GSTA3: variants seen among roughly 807,000 people sequenced by gnomAD.
The protein encoded by GSTA3 is glutathione S-transferase A3.
A neutral mutation model predicts 23.1 loss-of-function variants in GSTA3; 16 were observed. The ratio of observed to expected loss-of-function variants is 0.69; its 90% CI spans 0.47 to 1.05. The LOEUF is 1.05. Ranked by LOEUF, GSTA3 falls within the 50% of genes least tolerant of loss-of-function variation. The pLI, the probability that GSTA3 is intolerant of heterozygous loss-of-function variation, is 0.00. For synonymous variants in GSTA3, 122 were observed against 91.0 expected, an observed-to-expected ratio of 1.34 and a Z score of -1.94; for missense variants, 319 against 263.6, an observed-to-expected ratio of 1.21 and a Z score of -1.46.
Position 52,902,282 on chromosome 6 carries a change from C to T in GSTA3, c.272+64G>A, listed in dbSNP as rs545328003. 106 of 1,601,514 alleles carry T rather than the reference C, an allele frequency of 6.6e-5. No homozygotes were observed. The African/African-American group carries it at 1.4e-3, about 20-fold the overall frequency. On this transcript the variant is annotated intron_variant, in intron 4 of 6. Coordinates refer to ENST00000211122, the MANE Select transcript of GSTA3 (RefSeq NM_000847.5). ...TGATGCCCTGTCATGGTCTCACCCA[C>T]TCAAGGAAGGACCTAAATCACTCTG...
Position 52,903,728 on chromosome 6 carries a change from C to G in GSTA3, c.88-1G>C, listed in dbSNP as rs1319457957. The G allele has an allele frequency of 1.3e-6, 2 of 1,581,588 alleles. No individual in the cohort carries two copies. Among genetic ancestry groups the G allele is most frequent in the Non-Finnish European group, 8.7e-7 (1 of 1,151,366 alleles). ...CAGATCCTATAAATTTCTCTTCAAA[C>G]TGGAAGCAGAAACAGTAAATGGGTT... On this transcript the variant is annotated splice_acceptor_variant, in intron 2 of 6. Transcript: ENST00000211122. LOFTEE classifies it high-confidence loss of function.
intron 5 of GSTA3, 24 bp from the exon 6 acceptor site, chr6:52,897,980 C>T: frequency 2.5e-6 from 4 of 1,613,622 alleles, no homozygotes; most frequent in Non-Finnish European, 3.4e-6. Context: ...GGAATCAGAT[C>T]AGGAATACAT....
At chr6:52,900,984 C>T (rs1765663470) in intron 4 of GSTA3, among the ~76,000 whole-genome samples, 1 of 152,208 alleles carries the variant, frequency 6.6e-6, no homozygotes, top group Non-Finnish European at 1.5e-5. Context: ...GTGTGCCTTA[C>T]TTGAGACCCC....
chr6:52,907,770 A>T (rs1765941379), intron 1 of GSTA3, among the ~76,000 whole-genome samples: 1 of 145,090 alleles, frequency 6.9e-6, no homozygotes, highest in African/African-American at 2.6e-5. Context: ...TGGGAATTGA[A>T]CAATGAGAAC....
At chr6:52,896,990 C>T in intron 6 of GSTA3, 62 bp from the exon 7 acceptor site, 1 of 1,601,004 alleles carries the variant, frequency 6.2e-7, no homozygotes, top group Admixed American at 1.7e-5. Flanking sequence ...ATTAATACCA[C>T]CCAGGGAATT....
intron 6 of GSTA3, among the ~76,000 whole-genome samples, chr6:52,897,371 G>A (rs1191935211): frequency 6.6e-6 from 1 of 152,260 alleles, no homozygotes; most frequent in Admixed American, 6.5e-5. Context: ...TGGGGGCAGT[G>A]TGTTGGGTGT....
rs1043666519 is a variant in GSTA3, at chr6:52,896,673, T to A, written c.*133A>T. 1.3e-4 allele frequency: 131 copies of A among 1,014,422 alleles called. No individual in the cohort carries two copies. The highest frequency in any genetic ancestry group is 2.7e-5 in the Non-Finnish European group (19 of 707,328). 62.8% of individuals were successfully genotyped at this position (1,014,422 alleles called of 1,614,324 possible). ...AGTTAGCAAATAGGAGTTTTTATTA[T>A]TTAATTAGCATATAATTGGAAAGGG... On this transcript the variant is annotated 3_prime_UTR_variant, in exon 7 of 7. Coordinates refer to ENST00000211122, the MANE Select transcript of GSTA3 (RefSeq NM_000847.5).
At chr6:52,903,404 G>A (rs1765763206) in intron 3 of GSTA3, among the ~76,000 whole-genome samples, 1 of 146,114 alleles carries the variant, frequency 6.8e-6, no homozygotes, top group South Asian at 2.2e-4. Context: ...TGGCTAACAC[G>A]ATGAAACCCC....
In GSTA3 at chr6:52,902,372, G is replaced by A. The variant is rs147033582; in HGVS notation, c.246C>T (p.Tyr82=). ...GGGCTCTCTCCTTTATGTCTTTCCC[G>A]TAGAGGTTGTATTTGCTGGCAATGT... The part of the protein sequence containing the change: ...LNYIASKYNL[Y]GKDIKERALI... The change falls in exon 4 of 7, where the codon TAC becomes TAT. Residue 82 remains tyrosine, a synonymous_variant. Coordinates refer to ENST00000211122, the MANE Select transcript of GSTA3 (RefSeq NM_000847.5). 1.8e-4 allele frequency: 283 copies of A among 1,613,870 alleles called. 1 individual carries two copies. Among genetic ancestry groups the A allele is most frequent in the South Asian group, 9.4e-4 (86 of 91,050 alleles).
At chr6:52,906,719 T>G (rs1345097994) in intron 1 of GSTA3, among the ~76,000 whole-genome samples, 1 of 151,496 alleles carries the variant, frequency 6.6e-6, no homozygotes, top group African/African-American at 2.4e-5. Context: ...GGGAAAGGAT[T>G]CCCTATTTAA....
intron 4 of GSTA3, 22 bp from the exon 5 acceptor site, chr6:52,900,097 A>G: frequency 1.9e-6 from 3 of 1,590,708 alleles, no homozygotes; most frequent in Non-Finnish European, 2.6e-6. Flanking sequence ...AAACAGCCAA[A>G]GCATCAAATG....
intron 1 of GSTA3, among the ~76,000 whole-genome samples, chr6:52,909,302 C>T (rs1581874048): frequency 6.6e-6 from 1 of 152,202 alleles, no homozygotes. Flanking sequence ...GAATGAATCA[C>T]ACGAATACAT....
intron 1 of GSTA3, among the ~76,000 whole-genome samples, chr6:52,907,416 G>C (rs894720232): frequency 6.8e-6 from 1 of 146,334 alleles, no homozygotes; most frequent in African/African-American, 2.6e-5. Context: ...TCAGTGTGGC[G>C]ATTCCTCAGG....
chr6:52,908,662 A>C (rs772204775), intron 1 of GSTA3, among the ~76,000 whole-genome samples: 57 of 152,258 alleles, frequency 3.7e-4, no homozygotes, highest in Non-Finnish European at 6.6e-4. Context: ...TGACTACACA[A>C]AAAATATTTT....
chr6:52,905,875 G>A lies in GSTA3; in HGVS notation c.-21-20C>T, dbSNP rs1392296795. Reference sequence around the variant, plus strand: ...GTTTCTCTAAAATGAATGAATGAATGCATGAATGGATGAATGAATGAGTCT... The same window carrying A: ...GTTTCTCTAAAATGAATGAATGAATACATGAATGGATGAATGAATGAGTCT... On this transcript the variant is annotated intron_variant, in intron 1 of 6. Transcript: ENST00000211122. 8.6e-7 allele frequency: 1 copy of A among 1,167,072 alleles called. No homozygotes were observed. Among genetic ancestry groups the A allele is most frequent in the East Asian group, 2.4e-5 (1 of 42,146 alleles). The allele number at this position is 1,167,072 out of a possible 1,614,324, so 72.3% of individuals were successfully genotyped here. A position where few individuals can be genotyped will look rare whatever the true frequency, so the allele number is the denominator to read the frequency against.
At chr6:52,909,337 A>T (rs1207783351) in intron 1 of GSTA3, among the ~76,000 whole-genome samples, 1 of 152,196 alleles carries the variant, frequency 6.6e-6, no homozygotes, top group Non-Finnish European at 1.5e-5. Context: ...GCTTTTCCAT[A>T]AGCAACCTTT....
chr6:52,899,978 T>C lies in GSTA3; in HGVS notation c.370A>G (p.Ile124Val). 6.2e-7 allele frequency: 1 copy of C among 1,614,086 alleles called. No individual in the cohort carries two copies. The highest frequency in any genetic ancestry group is 8.5e-7 in the Non-Finnish European group (1 of 1,179,976). The change falls in exon 5 of 7, where the codon ATC (isoleucine) becomes GTC (valine). Residue 124 changes from isoleucine (I) to valine (V), a missense_variant. Ile to Val is a conservative substitution (Grantham distance 29). Coordinates refer to ENST00000211122, the MANE Select transcript of GSTA3 (RefSeq NM_000847.5). ...TAGCGACTTTTTGTTTTCTCTTTGA[T>C]CAAGGCAATCTTGGCATCTTTTTCC... ...PEEKDAKIAL[I>V]KEKTKSRYFP... is the part of the protein sequence containing the mutation.
intron 1 of GSTA3, 24 bp from the exon 2 acceptor site, chr6:52,905,879 G>T: frequency 8.9e-7 from 1 of 1,120,188 alleles, no homozygotes; most frequent in South Asian, 1.3e-5. Flanking sequence ...ATGAATGCAT[G>T]AATGGATGAA....
intron 4 of GSTA3, among the ~76,000 whole-genome samples, chr6:52,901,104 T>G (rs1765668913): frequency 6.6e-6 from 1 of 152,234 alleles, no homozygotes; most frequent in Non-Finnish European, 1.5e-5. Context: ...ACAGTACTTT[T>G]TAAAACAACA....
Sources: allele counts gnomAD v4.1 joint callset (sites outside exome capture counted in the v4.1 genomes callset), GRCh38; gene constraint gnomAD v4.1.1; transcripts MANE v1.5; gene names NCBI Gene and HGNC (gene_info 2026-07-23, HGNC 2026-07-21).